The following CACNA2D3 variants were observed in gnomAD, a reference collection of about 807,000 sequenced individuals.
CACNA2D3 encodes calcium voltage-gated channel auxiliary subunit alpha2delta 3.
CACNA2D3 carries 60 observed loss-of-function variants against 160.6 expected under a neutral mutation model. The ratio of observed to expected loss-of-function variants is 0.37; its 90% CI spans 0.30 to 0.46. The LOEUF (loss-of-function observed/expected upper bound fraction) is 0.46. Among genes scored for constraint, CACNA2D3 ranks in the 20% least tolerant of loss-of-function variants. The probability of loss-of-function intolerance (pLI) is 1.00; values close to 1 mark genes in which losing one functional copy is unlikely to be tolerated. For missense variants in CACNA2D3, 1,205 were observed against 1,365.0 expected, an observed-to-expected ratio of 0.88 and a Z score of 1.85; for synonymous variants, 558 against 492.9, an observed-to-expected ratio of 1.13 and a Z score of -1.75.
chr3:54,419,203 G>T (rs1180894009), intron 4 of CACNA2D3, among the ~76,000 whole-genome samples: 2 of 152,208 alleles, frequency 1.3e-5, no homozygotes, highest in Non-Finnish European at 2.9e-5. Context: ...TTTGGACCCT[G>T]GTGGCCCACA....
At chr3:54,595,324 GT>G (rs879601231) in intron 9 of CACNA2D3, among the ~76,000 whole-genome samples, 2,767 of 77,020 alleles carry the variant, frequency 0.036, 88 homozygotes, top group African/African-American at 0.097. Flanking sequence ...GTGTGTGTGT[GT>G]GTGTGTGTGT....
At chr3:54,268,177 A>G (rs940990807) in intron 2 of CACNA2D3, among the ~76,000 whole-genome samples, 4 of 152,146 alleles carry the variant, frequency 2.6e-5, no homozygotes, top group Admixed American at 6.5e-5. Context: ...CATATGACAA[A>G]TTTTTAATGG....
chr3:55,055,762 T>A (rs1323437122), intron 35 of CACNA2D3, among the ~76,000 whole-genome samples: 1 of 152,162 alleles, frequency 6.6e-6, no homozygotes, highest in African/African-American at 2.4e-5. Context: ...GTCTTTGACC[T>A]CCTTGGTTAA....
chr3:54,944,192 G>A (rs988494177), intron 27 of CACNA2D3, among the ~76,000 whole-genome samples: 1 of 151,982 alleles, frequency 6.6e-6, no homozygotes, highest in African/African-American at 2.4e-5. Context: ...CCAGGATGCT[G>A]TGAGTTCACT....
intron 9 of CACNA2D3, among the ~76,000 whole-genome samples, chr3:54,588,008 G>A (rs1412450959): frequency 2.0e-5 from 3 of 152,100 alleles, no homozygotes; most frequent in Admixed American, 1.3e-4. Context: ...ACAAACCAAA[G>A]ACAGTGCAGA....
At chr3:54,810,425 T>C (rs1214539920) in intron 13 of CACNA2D3, among the ~76,000 whole-genome samples, 1 of 152,116 alleles carries the variant, frequency 6.6e-6, no homozygotes, top group Non-Finnish European at 1.5e-5. Context: ...TAACAGAACT[T>C]TCTTTGCTCT....
At chr3:54,320,389 C>A in intron 2 of CACNA2D3, 53 bp from the exon 3 acceptor site, 1 of 821,852 alleles carries the variant, frequency 1.2e-6, no homozygotes. Context: ...GAAATCACAG[C>A]TGTGGTGTTT....
At chr3:54,306,443 A>G (rs959594663) in intron 2 of CACNA2D3, among the ~76,000 whole-genome samples, 2 of 151,680 alleles carry the variant, frequency 1.3e-5, no homozygotes, top group Non-Finnish European at 3.0e-5. Context: ...AACTTCCTCA[A>G]CTCCAGGTTT....
intron 9 of CACNA2D3, among the ~76,000 whole-genome samples, chr3:54,619,445 T>C (rs958232141): frequency 7.9e-5 from 12 of 152,260 alleles, no homozygotes; most frequent in African/African-American, 2.9e-4. Flanking sequence ...ATGTAGCTAA[T>C]CTGACTACCT....
intron 11 of CACNA2D3, among the ~76,000 whole-genome samples, chr3:54,681,204 T>C (rs1030703852): frequency 2.0e-5 from 3 of 151,768 alleles, no homozygotes; most frequent in African/African-American, 7.3e-5. Context: ...AAGTCTATTA[T>C]ACCATGTCAT....
intron 9 of CACNA2D3, among the ~76,000 whole-genome samples, chr3:54,625,370 C>T (rs879577644): frequency 5.3e-5 from 8 of 152,206 alleles, no homozygotes; most frequent in Non-Finnish European, 1.0e-4. Flanking sequence ...GTGTAGCTGA[C>T]CTGGATTGAA....
chr3:54,802,732 G>A (rs1373819536), intron 13 of CACNA2D3, among the ~76,000 whole-genome samples: 1 of 152,166 alleles, frequency 6.6e-6, no homozygotes, highest in Non-Finnish European at 1.5e-5. Flanking sequence ...AGCTGGAGAT[G>A]TGAGAATGGG....
At chr3:54,488,485 G>T (rs146480672) in intron 4 of CACNA2D3, among the ~76,000 whole-genome samples, 1 of 152,060 alleles carries the variant, frequency 6.6e-6, no homozygotes, top group Non-Finnish European at 1.5e-5. Flanking sequence ...ACAGTGGCCC[G>T]ACTAGCCTCA....
At chr3:54,804,263 A>G (rs536572999) in intron 13 of CACNA2D3, among the ~76,000 whole-genome samples, 110 of 152,120 alleles carry the variant, frequency 7.2e-4, no homozygotes, top group African/African-American at 2.6e-3. Context: ...AGACTGGCAA[A>G]TTGGATAAAG....
intron 31 of CACNA2D3, among the ~76,000 whole-genome samples, chr3:54,992,905 C>T (rs974348427): frequency 6.6e-6 from 1 of 152,136 alleles, no homozygotes; most frequent in Non-Finnish European, 1.5e-5. Context: ...AGGAGACTTA[C>T]AACCATCACG....
chr3:54,154,747 C>T lies in CACNA2D3; in HGVS notation c.204+31153C>T, dbSNP rs188580259. 3.9e-5 allele frequency among the ~76,000 whole-genome samples: 6 copies of T among 152,146 alleles called. No homozygotes were observed. In the East Asian group the frequency reaches 1.2e-3, roughly 29 times the overall value. On this transcript the variant is annotated intron_variant, in intron 2 of 37. Transcript: ENST00000474759. ...TGAGATAACATGGTGTGGTGGTGTA[C>T]AGCCACATTTAAAAAATCCACGATC...
chr3:55,011,680 T>C (rs1267420666), intron 34 of CACNA2D3, among the ~76,000 whole-genome samples: 1 of 151,810 alleles, frequency 6.6e-6, no homozygotes, highest in South Asian at 2.1e-4. Flanking sequence ...CTAATTAGGG[T>C]CAGTAGTTGG....
intron 2 of CACNA2D3, among the ~76,000 whole-genome samples, chr3:54,289,065 G>T (rs879472411): frequency 6.6e-6 from 1 of 152,126 alleles, no homozygotes; most frequent in Non-Finnish European, 1.5e-5. Flanking sequence ...GGAAGTCCTG[G>T]CCAGGAGAAG....
At chr3:54,516,706 C>T (rs2106976092) in intron 5 of CACNA2D3, among the ~76,000 whole-genome samples, 1 of 152,302 alleles carries the variant, frequency 6.6e-6, no homozygotes, top group Admixed American at 6.5e-5. Context: ...GTCCACGCGA[C>T]CACATCTTCA....
Sources: gnomAD v4.1 joint callset for allele counts (sites outside exome capture counted in the v4.1 genomes callset) on GRCh38, gnomAD v4.1.1 for gene constraint, MANE v1.5 for transcripts, NCBI Gene and HGNC (gene_info 2026-07-23, HGNC 2026-07-21) for gene names.